Variants in SACS observed in about 807,000 individuals in gnomAD.
SACS encodes sacsin molecular chaperone.
SACS carries 197 observed loss-of-function variants against 348.0 expected under a neutral mutation model. The observed-to-expected ratio is 0.57, with a 90% CI of 0.50 to 0.64. The LOEUF (loss-of-function observed/expected upper bound fraction) is 0.64. SACS is among the 30% of genes least tolerant of loss of function. The probability of loss-of-function intolerance (pLI) is 0.00; values close to 1 mark genes in which losing one functional copy is unlikely to be tolerated. For missense variants in SACS, 4,999 were observed against 5,360.8 expected, an observed-to-expected ratio of 0.93 and a Z score of 2.11; for synonymous variants, 1,985 against 1,910.6, an observed-to-expected ratio of 1.04 and a Z score of -1.02.
chr13:23,429,345 ATTT>A (rs536939164), intron 1 of SACS, among the ~76,000 whole-genome samples: 2 of 51,472 alleles, frequency 3.9e-5, no homozygotes, highest in East Asian at 7.0e-4. Context: ...TGAGGTAGGG[ATTT>A]TTTTTTTTTT....
At chr13:23,401,512 C>A (rs1240222540) in intron 2 of SACS, among the ~76,000 whole-genome samples, 1 of 152,154 alleles carries the variant, frequency 6.6e-6, no homozygotes, top group Non-Finnish European at 1.5e-5. Context: ...CTGCCGTGAC[C>A]ACCTTGGGCA....
chr13:23,340,216 G>T lies in SACS; in HGVS notation c.3660C>A (p.Ser1220Arg). ...TAAAGTGTTTTAAGACAGCACTAAG[G>T]CTAGGTTTTGTGAAGATCCCTAATG... ...EKALGIFTKPSLSAVLKHFKI... is the reference protein window; with the variant it reads ...EKALGIFTKPRLSAVLKHFKI... Residue 1220 changes from serine to arginine, a missense_variant, in exon 10 of 10, where the codon AGC becomes AGA. Ser to Arg is a moderately radical substitution (Grantham distance 110). Around this residue, in one of 6 missense-constraint regions of SACS, gnomAD observed 3,156 missense variants for 3,380.1 expected, o/e 0.93. Coordinates refer to ENST00000382292, the MANE Select transcript of SACS (RefSeq NM_014363.6). 1 of 1,610,650 alleles carries T rather than the reference G, an allele frequency of 6.2e-7. No individual in the cohort carries two copies. Among genetic ancestry groups the T allele is most frequent in the Non-Finnish European group, 8.5e-7 (1 of 1,178,050 alleles).
rs1484854706 is a variant in SACS, at chr13:23,331,048, A to C, written c.12828T>G (p.Ile4276Met). Residue 4276 changes from isoleucine (I) to methionine (M), a missense_variant, in exon 10 of 10, where the codon ATT (isoleucine) becomes ATG (methionine). Ile to Met is a conservative substitution (Grantham distance 10, BLOSUM62 1). This residue lies in a region of SACS where 831 missense variants were observed against 941.8 expected (regional missense o/e 0.88). Transcript: ENST00000382292. ...TEFLTPGLRSIPPLFSGRESH... is the reference protein window; with the variant it reads ...TEFLTPGLRSMPPLFSGRESH... ...TCTCTCTACCAGAGAAAAGAGGAGG[A>C]ATGCTTCTCAGGCCAGGGGTGAGGA... 6.2e-7 allele frequency: 1 copy of C among 1,613,922 alleles called. No individual in the cohort carries two copies. Among genetic ancestry groups the C allele is most frequent in the Non-Finnish European group, 8.5e-7 (1 of 1,179,980 alleles).
At chr13:23,405,052 A>G (rs1409880249) in intron 2 of SACS, among the ~76,000 whole-genome samples, 1 of 152,238 alleles carries the variant, frequency 6.6e-6, no homozygotes, top group Non-Finnish European at 1.5e-5. Context: ...ATAATTAGAA[A>G]AAACTACTTT....
intron 2 of SACS, among the ~76,000 whole-genome samples, chr13:23,404,773 A>G (rs970420741): frequency 6.6e-6 from 1 of 152,174 alleles, no homozygotes; most frequent in Admixed American, 6.5e-5. Context: ...TCTATACACC[A>G]ATAATAGCCA....
chr13:23,370,999 A>C, intron 4 of SACS, 79 bp downstream of exon 4: 1 of 964,138 alleles, frequency 1.0e-6, no homozygotes, highest in Non-Finnish European at 1.6e-6. Context: ...TTCAAAAACC[A>C]ACCAAACAAA....
At chr13:23,341,750 T>G in intron 9 of SACS, 60 bp from the exon 10 acceptor site, 3 of 1,353,690 alleles carry the variant, frequency 2.2e-6, no homozygotes, top group Non-Finnish European at 3.1e-6. Flanking sequence ...CAGCTTTCTA[T>G]TCTCACAAAT....
At position 23,426,461 on chromosome 13, in the gene SACS, T is replaced by C. The variant is rs570873482; in HGVS notation, c.-502+7154A>G. On this transcript the variant is annotated intron_variant, in intron 1 of 9. Transcript: ENST00000382292. Reference sequence around the variant, plus strand: ...TTCAAGACCAGCCTGGCCAACATGGTGAAACCCCGTCTCTACGAAAATACA... The same window carrying C: ...TTCAAGACCAGCCTGGCCAACATGGCGAAACCCCGTCTCTACGAAAATACA... Among the ~76,000 whole-genome samples the C allele has an allele frequency of 2.0e-5, 3 of 152,116 alleles. No individual in the cohort carries two copies. The East Asian group carries it at 5.8e-4, about 29-fold the overall frequency.
intron 1 of SACS, among the ~76,000 whole-genome samples, chr13:23,431,365 T>A (rs1040980411): frequency 1.3e-5 from 2 of 152,158 alleles, no homozygotes; most frequent in African/African-American, 4.8e-5. Context: ...ATGTTCCCCC[T>A]TAGGTAGGGG....
intron 1 of SACS, among the ~76,000 whole-genome samples, chr13:23,415,456 G>A (rs914228956): frequency 6.6e-6 from 1 of 152,124 alleles, no homozygotes; most frequent in South Asian, 2.1e-4. Flanking sequence ...CCTGGAAATT[G>A]CCATACTCTC....
intron 2 of SACS, among the ~76,000 whole-genome samples, chr13:23,380,122 CGT>C (rs34243922): frequency 0.042 from 4,845 of 116,426 alleles, 117 homozygotes; most frequent in Middle Eastern, 0.081. Context: ...GGGATTCCCT[CGT>C]GTGTGTGTGT....
At chr13:23,407,001 C>T (rs886652247) in intron 2 of SACS, among the ~76,000 whole-genome samples, 1 of 152,192 alleles carries the variant, frequency 6.6e-6, no homozygotes, top group African/African-American at 2.4e-5. Flanking sequence ...ATCTTCCACA[C>T]TCTGCTCCAG....
intron 2 of SACS, among the ~76,000 whole-genome samples, chr13:23,390,076 A>G (rs908624164): frequency 2.0e-5 from 3 of 152,120 alleles, no homozygotes; most frequent in Non-Finnish European, 2.9e-5. Context: ...TTCTTTCTAC[A>G]GGGTATAGAA....
At chr13:23,348,639 G>A (rs1424385786) in intron 9 of SACS, among the ~76,000 whole-genome samples, 1 of 152,214 alleles carries the variant, frequency 6.6e-6, no homozygotes, top group Non-Finnish European at 1.5e-5. Flanking sequence ...TCAGACTGCA[G>A]GGCAGGGGTG....
intron 2 of SACS, among the ~76,000 whole-genome samples, chr13:23,393,106 G>T (rs1872590426): frequency 6.6e-6 from 1 of 152,136 alleles, no homozygotes; most frequent in Admixed American, 6.5e-5. Flanking sequence ...CAAAGCCACG[G>T]CAGGGCCCCT....
rs769355961 is a variant in SACS at position 23,332,157 on chromosome 13, G to A, written c.11719C>T (p.Leu3907Phe). The A allele has an allele frequency of 6.2e-7, 1 of 1,614,018 alleles. No homozygotes were observed. The highest frequency in any genetic ancestry group is 8.5e-7 in the Non-Finnish European group (1 of 1,179,958). Residue 3907 changes from leucine to phenylalanine, a missense_variant, in exon 10 of 10, where the codon CTT (leucine) becomes TTT (phenylalanine). Leu to Phe is a conservative substitution (Grantham distance 22). Around this residue, in one of 6 missense-constraint regions of SACS, gnomAD observed 831 missense variants for 941.8 expected, o/e 0.88. Coordinates refer to ENST00000382292, the MANE Select transcript of SACS (RefSeq NM_014363.6). The stretch of plus-strand genomic sequence containing the variant: ...CTACCATCCTGGCTTGGGAGGTAAA[G>A]CGCAAGGTCTCGTACATTCTCGAGA... ...SDLENVRDLA[L>F]YLPSQDGRLV... is the part of the protein sequence containing the mutation.
chr13:23,368,743 A>G (rs1871204453), intron 4 of SACS, among the ~76,000 whole-genome samples: 4 of 152,126 alleles, frequency 2.6e-5, no homozygotes, highest in Non-Finnish European at 4.4e-5. Flanking sequence ...CTGTCGCCCA[A>G]GCTGAAGTGC....
chr13:23,401,274 T>C (rs1239139087), intron 2 of SACS, among the ~76,000 whole-genome samples: 1 of 152,120 alleles, frequency 6.6e-6, no homozygotes, highest in Non-Finnish European at 1.5e-5. Context: ...ACTCCTCTGC[T>C]CTCTGAGATA....
chr13:23,416,495 C>T (rs555846153), intron 1 of SACS, among the ~76,000 whole-genome samples: 7 of 152,222 alleles, frequency 4.6e-5, no homozygotes, highest in African/African-American at 1.4e-4. Flanking sequence ...CCGTGGTTCA[C>T]GCCTGTAATC....
Sources: gnomAD v4.1 joint callset for allele counts (sites outside exome capture counted in the v4.1 genomes callset) on GRCh38, gnomAD v4.1.1 for gene constraint, gnomAD v4.1.1 regional missense constraint, MANE v1.5 for transcripts, NCBI Gene and HGNC (gene_info 2026-07-23, HGNC 2026-07-21) for gene names.